Variants in KCNJ3 observed in about 807,000 individuals in gnomAD.
The protein encoded by KCNJ3 is potassium inwardly rectifying channel subfamily J member 3.
A neutral mutation model predicts 39.2 loss-of-function variants in KCNJ3; 4 were observed. The ratio of observed to expected loss-of-function variants is 0.10; its 90% CI spans 0.05 to 0.23. KCNJ3 has a LOEUF of 0.23. Ranked by LOEUF, KCNJ3 falls within the 10% of genes least tolerant of loss-of-function variation. The pLI, the probability that KCNJ3 is intolerant of heterozygous loss-of-function variation, is 1.00. For missense variants in KCNJ3, 276 were observed against 634.9 expected (o/e 0.43, Z 6.08); for synonymous variants, 230 against 237.4 (o/e 0.97, Z 0.29).
At chr2:154,729,938 G>A (rs1685422491) in intron 2 of KCNJ3, among the ~76,000 whole-genome samples, 1 of 151,992 alleles carries the variant, frequency 6.6e-6, no homozygotes, top group Non-Finnish European at 1.5e-5. Context: ...CAGGCAGTCA[G>A]GCTGATCCAT....
chr2:154,855,407 A>G lies in KCNJ3; in HGVS notation c.*94A>G. ...TTCTCCCTAAGGAATCTGAAAGTAT[A>G]TTTTCCTCCCAGTTCTACAAGCATA... On this transcript the variant is annotated 3_prime_UTR_variant, in exon 3 of 3. Transcript: ENST00000295101. 2 of 858,682 alleles carry G rather than the reference A, an allele frequency of 2.3e-6. No homozygotes were observed. The highest frequency in any genetic ancestry group is 1.9e-5 in the South Asian group (1 of 53,104). 53.2% of individuals were successfully genotyped at this position (858,682 alleles called of 1,614,324 possible).
intron 2 of KCNJ3, among the ~76,000 whole-genome samples, chr2:154,754,526 T>C (rs1179448558): frequency 1.3e-5 from 2 of 152,184 alleles, no homozygotes; most frequent in African/African-American, 2.4e-5. Context: ...CCACCCGCCT[T>C]GGCCTCCCAA....
rs1305150407 is a variant in KCNJ3, at chr2:154,699,789, C to T, written c.702+312C>T. ...ATGAGGGCAATTAGTGCCCTGTTCG[C>T]CTTCCTGTCCCTGTTGCTTCGCTAT... On this transcript the variant is annotated intron_variant, in intron 1 of 2. Coordinates refer to ENST00000295101, the MANE Select transcript of KCNJ3 (RefSeq NM_002239.4). The surrounding 1 kb of genome is among the most constrained non-coding windows in gnomAD (Gnocchi z 6.4). Among the ~76,000 whole-genome samples, 2 of 152,100 alleles carry T rather than the reference C, an allele frequency of 1.3e-5. No homozygotes were observed. The highest frequency in any genetic ancestry group is 2.9e-5 in the Non-Finnish European group (2 of 68,040).
chr2:154,847,350 A>G (rs1687679272), intron 2 of KCNJ3, among the ~76,000 whole-genome samples: 1 of 152,210 alleles, frequency 6.6e-6, no homozygotes, highest in African/African-American at 2.4e-5. Context: ...CAGTTAATAT[A>G]TCTTGGAAGA....
At chr2:154,725,267 G>T (rs1685333768) in intron 2 of KCNJ3, among the ~76,000 whole-genome samples, 2 of 147,678 alleles carry the variant, frequency 1.4e-5, no homozygotes, top group African/African-American at 2.5e-5. Flanking sequence ...CTCTTCTATA[G>T]ACACGTCCTC....
chr2:154,714,961 G>C (rs1171197654), intron 2 of KCNJ3, among the ~76,000 whole-genome samples: 1 of 152,132 alleles, frequency 6.6e-6, no homozygotes, highest in Non-Finnish European at 1.5e-5. Context: ...TGGGAGTGTA[G>C]GGAGGTCAGG....
At chr2:154,727,366 A>C (rs1032457344) in intron 2 of KCNJ3, among the ~76,000 whole-genome samples, 9 of 151,764 alleles carry the variant, frequency 5.9e-5, no homozygotes, top group African/African-American at 2.2e-4. Flanking sequence ...TGGGCGGATC[A>C]CCTGAGGTCA....
In KCNJ3 at chr2:154,790,767, A is replaced by G. The variant is rs561153862; in HGVS notation, c.920-63960A>G. Among the ~76,000 whole-genome samples, 3 of 152,088 alleles carry G rather than the reference A, an allele frequency of 2.0e-5. No individual in the cohort carries two copies. The South Asian group carries it at 6.2e-4, about 32-fold the overall frequency. ...TTTCAAGTCCATGTACTTTTAATGC[A>G]TGTGATGATCCCAGCAGAAAGACGT... On this transcript the variant is annotated intron_variant, in intron 2 of 2. Transcript: ENST00000295101.
intron 2 of KCNJ3, among the ~76,000 whole-genome samples, chr2:154,780,644 G>A (rs1428278988): frequency 2.0e-5 from 3 of 151,988 alleles, no homozygotes; most frequent in East Asian, 1.9e-4. Flanking sequence ...CAGCTCGCAC[G>A]GTCTCTGAGA....
intron 2 of KCNJ3, among the ~76,000 whole-genome samples, chr2:154,835,084 T>C (rs2105123287): frequency 6.6e-6 from 1 of 152,106 alleles, no homozygotes; most frequent in Admixed American, 6.6e-5. Flanking sequence ...TATTCTTGAT[T>C]CATAAACTAA....
Position 154,809,482 on chromosome 2 carries a change from T to C in KCNJ3, c.920-45245T>C, listed in dbSNP as rs116810615. On this transcript the variant is annotated intron_variant, in intron 2 of 2. Coordinates refer to ENST00000295101, the MANE Select transcript of KCNJ3 (RefSeq NM_002239.4). ...TTACCAAATTGAGAGGTAAAGTGAA[T>C]TGTCTATAAAAGCAATTATCAGAAG... 2.2e-3 allele frequency among the ~76,000 whole-genome samples: 335 copies of C among 152,286 alleles called. 7 individuals are homozygous for C. Among genetic ancestry groups the C allele is most frequent in the African/African-American group, 7.6e-3 (315 of 41,568 alleles).
chr2:154,765,025 A>G (rs1308385552), intron 2 of KCNJ3, among the ~76,000 whole-genome samples: 1 of 152,224 alleles, frequency 6.6e-6, no homozygotes, highest in East Asian at 1.9e-4. Flanking sequence ...CAAGGTGGGC[A>G]CGATTGACAT....
intron 2 of KCNJ3, among the ~76,000 whole-genome samples, chr2:154,768,766 A>G (rs1051831085): frequency 6.6e-6 from 1 of 152,200 alleles, no homozygotes; most frequent in African/African-American, 2.4e-5. Flanking sequence ...GAATCTATAA[A>G]TTACCTCAGG....
intron 2 of KCNJ3, among the ~76,000 whole-genome samples, chr2:154,723,899 A>G (rs975468866): frequency 6.6e-6 from 1 of 152,186 alleles, no homozygotes; most frequent in African/African-American, 2.4e-5. Flanking sequence ...ATTACAATTT[A>G]TAGCTTAAAT....
chr2:154,755,227 A>G (rs1280165886), intron 2 of KCNJ3, among the ~76,000 whole-genome samples: 1 of 152,042 alleles, frequency 6.6e-6, no homozygotes, highest in Non-Finnish European at 1.5e-5. Flanking sequence ...CATATTTGCC[A>G]TTAATTTATT....
intron 2 of KCNJ3, among the ~76,000 whole-genome samples, chr2:154,837,841 G>A (rs749544362): frequency 1.9e-4 from 29 of 152,276 alleles, no homozygotes; most frequent in African/African-American, 6.0e-4. Flanking sequence ...CTCACATTGC[G>A]GATATAGACT....
chr2:154,704,778 C>T (rs909585355), intron 1 of KCNJ3, among the ~76,000 whole-genome samples: 2 of 152,122 alleles, frequency 1.3e-5, no homozygotes, highest in Non-Finnish European at 2.9e-5. Context: ...CTGGTACCTG[C>T]GTTTGGCTCA....
intron 2 of KCNJ3, among the ~76,000 whole-genome samples, chr2:154,810,114 C>T (rs1686983478): frequency 6.6e-6 from 1 of 152,132 alleles, no homozygotes; most frequent in African/African-American, 2.4e-5. Context: ...GAAAGGATCT[C>T]TCTCTGTTTC....
chr2:154,781,390 C>T (rs975640735), intron 2 of KCNJ3, among the ~76,000 whole-genome samples: 2 of 152,166 alleles, frequency 1.3e-5, no homozygotes, highest in Non-Finnish European at 2.9e-5. Context: ...CAATTATTTA[C>T]ATGAAGTTTG....
Sources: allele counts gnomAD v4.1 joint callset (sites outside exome capture counted in the v4.1 genomes callset), GRCh38; gene constraint gnomAD v4.1.1; non-coding constraint Gnocchi (gnomAD v3.1); transcripts MANE v1.5; gene names NCBI Gene and HGNC (gene_info 2026-07-23, HGNC 2026-07-21).